The following ROPN1L variants were observed in gnomAD, a reference collection of about 807,000 sequenced individuals.
ROPN1L encodes ropporin-1-like protein.
In ROPN1L, 23 loss-of-function variants were observed where a neutral mutation model predicts 22.7. The observed-to-expected ratio is 1.01, with a 90% confidence interval of 0.73 to 1.43. The LOEUF is 1.43. ROPN1L is among the 40% of genes most tolerant of loss of function. The pLI, the probability that ROPN1L is intolerant of heterozygous loss-of-function variation, is 0.00. For synonymous variants in ROPN1L, 116 were observed against 117.8 expected, an observed-to-expected ratio of 0.98 and a Z score of 0.10; for missense variants, 271 against 291.5, an observed-to-expected ratio of 0.93 and a Z score of 0.51.
At position 10,448,171 on chromosome 5, in the gene ROPN1L, C is replaced by T. The variant is rs192406072; in HGVS notation, c.132-89C>T. Reference sequence around the variant, plus strand: ...CTTCAGAGCTGTCCTTCCTAATCACCGTTGTTTTGGGGGGTTATTTAAGAA... The same window carrying T: ...CTTCAGAGCTGTCCTTCCTAATCACTGTTGTTTTGGGGGGTTATTTAAGAA... On this transcript the variant is annotated intron_variant, in intron 1 of 4. Coordinates refer to ENST00000274134, the MANE Select transcript of ROPN1L (RefSeq NM_031916.5). 90 of 1,478,518 alleles carry T rather than the reference C, an allele frequency of 6.1e-5. No individual in the cohort carries two copies. The East Asian group carries it at 1.9e-3, about 30-fold the overall frequency. 91.6% of individuals were successfully genotyped at this position (1,478,518 alleles called of 1,614,324 possible). A position where few individuals can be genotyped will look rare whatever the true frequency, so the allele number is the denominator to read the frequency against.
In ROPN1L at chr5:10,442,260, C is replaced by T; in HGVS notation, c.93C>T (p.Ile31=). 1 of 1,613,726 alleles carries T rather than the reference C, an allele frequency of 6.2e-7. No individual in the cohort carries two copies. Among genetic ancestry groups the T allele is most frequent in the African/African-American group, 1.3e-5 (1 of 75,072 alleles). Residue 31 remains isoleucine (I), a synonymous_variant, in exon 1 of 5, where the codon ATC becomes ATT. Transcript: ENST00000274134. ...DILKQFTKAA[I]RTQPADVLRW... ...TGAAGCAATTCACCAAGGCTGCCAT[C>T]CGCACCCAGCCGGCCGACGTGCTGC... is the stretch of plus-strand genomic sequence containing the variant.
At chr5:10,479,171 G>A in the ROPN1L span, among the ~76,000 whole-genome samples, 2 of 152,188 alleles carry the variant, frequency 1.3e-5, no homozygotes, top group East Asian at 3.8e-4. Flanking sequence ...ACTTTGGAGT[G>A]TGTAATAGTT....
chr5:10,469,351 G>A (rs1306567140), downstream of ROPN1L, among the ~76,000 whole-genome samples: 1 of 150,562 alleles, frequency 6.6e-6, no homozygotes, highest in African/African-American at 2.4e-5. Flanking sequence ...GCTGGAAGTG[G>A]TGGCATACGC....
chr5:10,454,130 T>C (rs748690321), intron 3 of ROPN1L, among the ~76,000 whole-genome samples: 1 of 18,704 alleles, frequency 5.3e-5, no homozygotes, highest in African/African-American at 7.8e-5. Flanking sequence ...TTTTATTTAA[T>C]TTTTTTTTTT....
At chr5:10,464,011 C>T (rs112951824) in intron 4 of ROPN1L, among the ~76,000 whole-genome samples, 2 of 152,312 alleles carry the variant, frequency 1.3e-5, no homozygotes, top group African/African-American at 4.8e-5. Context: ...CAGGAGCTGG[C>T]GCTCAAGTGA....
chr5:10,444,900 AAAAT>A (rs908230777), intron 1 of ROPN1L, among the ~76,000 whole-genome samples: 38 of 152,180 alleles, frequency 2.5e-4, no homozygotes, highest in Middle Eastern at 3.4e-3. Flanking sequence ...CTCCATCATA[AAAAT>A]AAATAAATAA....
chr5:10,462,513 AT>A (rs1346971892), intron 4 of ROPN1L, among the ~76,000 whole-genome samples: 1 of 152,202 alleles, frequency 6.6e-6, no homozygotes, highest in African/African-American at 2.4e-5. Context: ...GAGAGAATGT[AT>A]CTTGTCATTA....
At position 10,449,241 on chromosome 5, in the gene ROPN1L, G is replaced by A. The variant is rs973052534; in HGVS notation, c.256-711G>A. On this transcript the variant is annotated intron_variant, in intron 2 of 4. Coordinates refer to ENST00000274134, the MANE Select transcript of ROPN1L (RefSeq NM_031916.5). ...TGTTTAAAATAGTAGAAGGAAGGCC[G>A]GGCATGGTGGCTCATGCCTTTAATC... Among the ~76,000 whole-genome samples, 5 of 152,332 alleles carry A rather than the reference G, an allele frequency of 3.3e-5. No individual in the cohort carries two copies. In the East Asian group the frequency reaches 9.6e-4, roughly 29 times the overall value.
intron 1 of ROPN1L, among the ~76,000 whole-genome samples, chr5:10,443,408 G>A (rs1415483391): frequency 2.6e-5 from 4 of 151,704 alleles, no homozygotes; most frequent in African/African-American, 9.7e-5. Context: ...GGATCATGAG[G>A]TCAGGAGATC....
chr5:10,451,345 A>G (rs1350177375), intron 3 of ROPN1L, among the ~76,000 whole-genome samples: 1 of 152,106 alleles, frequency 6.6e-6, no homozygotes, highest in Non-Finnish European at 1.5e-5. Flanking sequence ...GCCTCCTCCC[A>G]TGTCCTGTCC....
downstream of ROPN1L, among the ~76,000 whole-genome samples, chr5:10,474,782 A>G (rs138195349): frequency 6.6e-3 from 1,010 of 152,342 alleles, 9 homozygotes; most frequent in African/African-American, 0.024. Context: ...TTTCTGACCA[A>G]AGTTCCTCCC....
At chr5:10,466,492 G>A (rs1418771735), downstream of ROPN1L, among the ~76,000 whole-genome samples, 3 of 152,150 alleles carry the variant, frequency 2.0e-5, no homozygotes, top group African/African-American at 4.8e-5. Flanking sequence ...TTGTAAGCCC[G>A]AGCATAGGTG....
chr5:10,460,243 T>C (rs943285997), intron 3 of ROPN1L, among the ~76,000 whole-genome samples: 1 of 152,266 alleles, frequency 6.6e-6, no homozygotes, highest in African/African-American at 2.4e-5. Flanking sequence ...TTATGTTACA[T>C]GGTTCTCCCA....
intron 1 of ROPN1L, among the ~76,000 whole-genome samples, chr5:10,446,491 T>C (rs1028711530): frequency 3.3e-5 from 5 of 152,002 alleles, no homozygotes; most frequent in African/African-American, 1.2e-4. Context: ...TGAAACCCCG[T>C]CTCTAATAAA....
chr5:10,442,155 T>A lies in ROPN1L; in HGVS notation c.-13T>A. On this transcript the variant is annotated 5_prime_UTR_variant, in exon 1 of 5. Coordinates refer to ENST00000274134, the MANE Select transcript of ROPN1L (RefSeq NM_031916.5). ...GCCGCGATTCACCAGCCTGGTCCCT[T>A]CTGCGGAGAGCGATGCCGCTTCCCG... is the stretch of plus-strand genomic sequence containing the variant. 6.2e-7 allele frequency: 1 copy of A among 1,612,894 alleles called. No individual in the cohort carries two copies. Among genetic ancestry groups the A allele is most frequent in the African/African-American group, 1.3e-5 (1 of 75,056 alleles).
At chr5:10,459,674 C>T (rs1428401433) in intron 3 of ROPN1L, among the ~76,000 whole-genome samples, 3 of 152,130 alleles carry the variant, frequency 2.0e-5, no homozygotes, top group Non-Finnish European at 4.4e-5. Flanking sequence ...TGGCTCCTTC[C>T]CCCTGGGTCT....
intron 3 of ROPN1L, among the ~76,000 whole-genome samples, chr5:10,460,034 T>A (rs1175212696): frequency 1.3e-5 from 2 of 152,134 alleles, no homozygotes; most frequent in Admixed American, 1.3e-4. Context: ...AGATAGCCAC[T>A]CTGGCAAGGA....
chr5:10,449,815 ACCCCCTGTC>A, intron 2 of ROPN1L, 128 bp from the exon 3 acceptor site: 1 of 652,312 alleles, frequency 1.5e-6, no homozygotes, highest in Non-Finnish European at 2.5e-6. Flanking sequence ...GGCTGACAGA[ACCCCCTGTC>A]ATGCATTTGG....
chr5:10,462,911 T>C (rs923248899), intron 4 of ROPN1L, among the ~76,000 whole-genome samples: 316 of 151,302 alleles, frequency 2.1e-3, no homozygotes, highest in South Asian at 7.5e-3. Flanking sequence ...ACAATAATAA[T>C]AATAATAATA....
Sources: allele counts gnomAD v4.1 joint callset (sites outside exome capture counted in the v4.1 genomes callset), GRCh38; gene constraint gnomAD v4.1.1; transcripts MANE v1.5; gene names NCBI Gene and HGNC (gene_info 2026-07-23, HGNC 2026-07-21).